The following PLEKHA3 variants were observed in gnomAD, a reference collection of about 807,000 sequenced individuals.
The protein encoded by PLEKHA3 is pleckstrin homology domain-containing family A member 3.
In PLEKHA3, 19 loss-of-function variants were observed where a neutral mutation model predicts 39.2. That is an observed-to-expected ratio of 0.48 (90% CI 0.34 to 0.71). The LOEUF (loss-of-function observed/expected upper bound fraction) is 0.71, where lower values mean the gene tolerates loss of function less well. Ranked by LOEUF, PLEKHA3 falls within the 30% of genes least tolerant of loss-of-function variation. The pLI, the probability that PLEKHA3 is intolerant of heterozygous loss-of-function variation, is 0.01. For missense variants in PLEKHA3, 253 were observed against 359.5 expected (o/e 0.70, Z 2.40); for synonymous variants, 97 against 118.6 (o/e 0.82, Z 1.18).
chr2:178,491,749 A>G (rs928442276), intron 3 of PLEKHA3, among the ~76,000 whole-genome samples: 8 of 152,160 alleles, frequency 5.3e-5, no homozygotes, highest in African/African-American at 1.9e-4. Flanking sequence ...ATTTATAAAG[A>G]AAAGAGGTAT....
chr2:178,485,178 G>C (rs1402764875), intron 1 of PLEKHA3, among the ~76,000 whole-genome samples: 2 of 152,196 alleles, frequency 1.3e-5, no homozygotes, highest in South Asian at 2.1e-4. Context: ...GAATTTTAGA[G>C]ATTTATTGAA....
In PLEKHA3 at chr2:178,495,805, G is replaced by C. The variant is rs558209375; in HGVS notation, c.615+145G>C. ...CAAGTTGAATTTTTTTGTTTGTACT[G>C]TTTCATATTCGAGCTTCTTAGCTGA... On this transcript the variant is annotated intron_variant, in intron 5 of 7. Transcript: ENST00000234453. 575 of 859,560 alleles carry C rather than the reference G, an allele frequency of 6.7e-4. 2 individuals carry two copies. The highest frequency in any genetic ancestry group is 9.6e-4 in the Non-Finnish European group (536 of 560,116). The allele number at this position is 859,560 out of a possible 1,614,324, so 53.2% of individuals were successfully genotyped here.
At position 178,515,242 on chromosome 2, in the gene PLEKHA3, G is replaced by A. The variant is rs531976700; in HGVS notation, c.*11355G>A. On this transcript the variant is annotated 3_prime_UTR_variant, in exon 8 of 8. Transcript: ENST00000234453. ...CTCTAGAGAAAACGAAAGACTCACTGTGTGAGTTTTCTTGCCCTCTGGTTT... is the reference window on the plus strand; with the variant it reads ...CTCTAGAGAAAACGAAAGACTCACTATGTGAGTTTTCTTGCCCTCTGGTTT... 6.0e-4 allele frequency: 91 copies of A among 151,848 alleles called. No individual in the cohort carries two copies. Among genetic ancestry groups the A allele is most frequent in the African/African-American group, 2.0e-3 (83 of 41,396 alleles). The allele number at this position is 151,848 out of a possible 1,614,324, so 9.4% of individuals were successfully genotyped here.
intron 1 of PLEKHA3, among the ~76,000 whole-genome samples, chr2:178,483,371 AC>A (rs1685203273): frequency 6.6e-6 from 1 of 152,112 alleles, no homozygotes; most frequent in African/African-American, 2.4e-5. Context: ...AAAAGGGAAT[AC>A]CTGTGAATCT....
In PLEKHA3 at chr2:178,485,703, G is replaced by T; in HGVS notation, c.103G>T (p.Asp35Tyr). 6.2e-7 allele frequency: 1 copy of T among 1,613,794 alleles called. No homozygotes were observed. Among genetic ancestry groups the T allele is most frequent in the Admixed American group, 1.7e-5 (1 of 59,992 alleles). The change falls in exon 2 of 8, where the codon GAT (aspartate) becomes TAT (tyrosine). Residue 35 changes from aspartate (D) to tyrosine (Y), a missense_variant. Physicochemically the swap from Asp to Tyr is radical, Grantham distance 160. Coordinates refer to ENST00000234453, the MANE Select transcript of PLEKHA3 (RefSeq NM_019091.4). ...GILSYYDSQDDVCKGSKGSIK... is the reference protein window; with the variant it reads ...GILSYYDSQDYVCKGSKGSIK... Reference sequence around the variant, plus strand: ...CTTATCCTACTATGATTCACAAGATGATGTTTGCAAAGGGAGCAAAGGAAG... The same window carrying T: ...CTTATCCTACTATGATTCACAAGATTATGTTTGCAAAGGGAGCAAAGGAAG...
At chr2:178,492,385 A>T (rs1301472347) in intron 3 of PLEKHA3, among the ~76,000 whole-genome samples, 1 of 150,746 alleles carries the variant, frequency 6.6e-6, no homozygotes, top group Non-Finnish European at 1.5e-5. Flanking sequence ...ATAGAATATT[A>T]CTCAGCTTTA....
chr2:178,495,617 C>T lies in PLEKHA3; in HGVS notation c.572C>T (p.Pro191Leu), dbSNP rs771588991. The change falls in exon 5 of 8, where the codon CCG becomes CTG. Residue 191 changes from proline (P) to leucine (L), a missense_variant. Physicochemically the swap from Pro to Leu is moderately conservative, Grantham distance 98 (BLOSUM62 -3). Transcript: ENST00000234453. ...CCTGAGATGTTTCAACTGCACCATCCGGATCCCTTAGTTTCTCCTGTGTCA... is the reference window on the plus strand; with the variant it reads ...CCTGAGATGTTTCAACTGCACCATCTGGATCCCTTAGTTTCTCCTGTGTCA... ...FKPEMFQLHH[P>L]DPLVSPVSPS... The T allele has an allele frequency of 5.6e-6, 9 of 1,613,456 alleles. No individual in the cohort carries two copies. The highest frequency in any genetic ancestry group is 2.2e-5 in the East Asian group (1 of 44,854).
At chr2:178,484,613 C>T (rs372729658) in intron 1 of PLEKHA3, among the ~76,000 whole-genome samples, 30 of 152,110 alleles carry the variant, frequency 2.0e-4, no homozygotes, top group Non-Finnish European at 3.5e-4. Context: ...GACCGGGATA[C>T]GAACATCCAT....
chr2:178,494,798 G>C (rs1052784852), intron 4 of PLEKHA3, among the ~76,000 whole-genome samples: 2 of 152,114 alleles, frequency 1.3e-5, no homozygotes, highest in African/African-American at 4.8e-5. Flanking sequence ...TCACAAAGAG[G>C]CAGGAGGCAG....
rs35052196 is a variant in PLEKHA3, at chr2:178,507,658, GTTTTTTT to G, written c.*3801_*3807del. On this transcript the variant is annotated 3_prime_UTR_variant, in exon 8 of 8. Coordinates refer to ENST00000234453, the MANE Select transcript of PLEKHA3 (RefSeq NM_019091.4). ...CCTTTAGTTTTTAGTCTCACATTAGGTTTTTTTTTTTTTTTTTTTTTTTTTTTTTTTT... is the reference window on the plus strand; with the variant it reads ...CCTTTAGTTTTTAGTCTCACATTAGGTTTTTTTTTTTTTTTTTTTTTTTTT... The G allele has an allele frequency of 2.4e-4, 7 of 28,818 alleles. No homozygotes were observed. Among genetic ancestry groups the G allele is most frequent in the South Asian group, 4.9e-3 (2 of 410 alleles). 1.8% of individuals were successfully genotyped at this position (28,818 alleles called of 1,614,324 possible).
chr2:178,484,413 G>A (rs1202191759), intron 1 of PLEKHA3, among the ~76,000 whole-genome samples: 1 of 152,150 alleles, frequency 6.6e-6, no homozygotes, highest in African/African-American at 2.4e-5. Flanking sequence ...CCTAAACAGG[G>A]TTACAAAGTA....
chr2:178,497,200 AAAAT>A (rs1323767785), intron 5 of PLEKHA3, among the ~76,000 whole-genome samples: 2 of 150,598 alleles, frequency 1.3e-5, no homozygotes, highest in African/African-American at 4.9e-5. Context: ...ATACACAAAT[AAAAT>A]AAATATATAT....
rs1252152260 is a variant in PLEKHA3 at position 178,509,791 on chromosome 2, A to G, written c.*5904A>G. On this transcript the variant is annotated 3_prime_UTR_variant, in exon 8 of 8. Transcript: ENST00000234453. ...ACACTGCACTCTCCTATCTCTCTCA[A>G]TTCAGTAACCTGTTTATTCTTGAGT... 3 of 152,138 alleles carry G rather than the reference A, an allele frequency of 2.0e-5. No homozygotes were observed. Among genetic ancestry groups the G allele is most frequent in the Non-Finnish European group, 4.4e-5 (3 of 68,040 alleles). The allele number at this position is 152,138 out of a possible 1,614,324, so 9.4% of individuals were successfully genotyped here. A position where few individuals can be genotyped will look rare whatever the true frequency, so the allele number is the denominator to read the frequency against.
rs1365358184 is a variant in PLEKHA3, at chr2:178,515,521, TATTATTTCAGAAAAGAAA to T, written c.*11637_*11654del. On this transcript the variant is annotated 3_prime_UTR_variant, in exon 8 of 8. Transcript: ENST00000234453. ...CTTCTTACTATTTCTATATTAGGTA[TATTATTTCAGAAAAGAAA>T]ATAATCACTTGGGAATGGCGGTGAG... The T allele has an allele frequency of 6.6e-6, 1 of 152,198 alleles. No individual in the cohort carries two copies. Among genetic ancestry groups the T allele is most frequent in the African/African-American group, 2.4e-5 (1 of 41,464 alleles). 9.4% of individuals were successfully genotyped at this position (152,198 alleles called of 1,614,324 possible).
intron 7 of PLEKHA3, chr2:178,502,450 A>G: frequency 6.0e-6 from 2 of 334,692 alleles, no homozygotes; most frequent in South Asian, 2.5e-5. Context: ...AGGGTTAAAG[A>G]GGTTGAGTAT....
At chr2:178,501,220 A>G in intron 7 of PLEKHA3, 44 bp downstream of exon 7, 14 of 1,412,040 alleles carry the variant, frequency 9.9e-6, no homozygotes, top group Non-Finnish European at 1.4e-5. Context: ...ATATTCAGCA[A>G]AATTACTGTG....
Position 178,506,589 on chromosome 2 carries a change from T to TA in PLEKHA3, c.*2707dup, listed in dbSNP as rs1575148523. 1.3e-5 allele frequency: 2 copies of TA among 152,234 alleles called. No individual in the cohort carries two copies. The highest frequency in any genetic ancestry group is 3.8e-4 in the East Asian group (2 of 5,208). The allele number at this position is 152,234 out of a possible 1,614,324, so 9.4% of individuals were successfully genotyped here. On this transcript the variant is annotated 3_prime_UTR_variant, in exon 8 of 8. Transcript: ENST00000234453. ...GTATGTATTATCACATTTAGAAATG[T>TA]AAAAATCACAAGATCTCAGGAAATG...
Position 178,510,853 on chromosome 2 carries a change from T to G in PLEKHA3, c.*6966T>G, listed in dbSNP as rs938832808. 4 of 152,386 alleles carry G rather than the reference T, an allele frequency of 2.6e-5. No homozygotes were observed. The highest frequency in any genetic ancestry group is 9.6e-5 in the African/African-American group (4 of 41,596). The allele number at this position is 152,386 out of a possible 1,614,324, so 9.4% of individuals were successfully genotyped here. A position where few individuals can be genotyped will look rare whatever the true frequency, so the allele number is the denominator to read the frequency against. ...CTGCATTTATTTCATAGGTAAAATT[T>G]TAATCTATTTTCTAATCAAAGTGTT... On this transcript the variant is annotated 3_prime_UTR_variant, in exon 8 of 8. Coordinates refer to ENST00000234453, the MANE Select transcript of PLEKHA3 (RefSeq NM_019091.4).
intron 1 of PLEKHA3, chr2:178,481,737 G>A (rs370912398): frequency 5.3e-4 from 81 of 153,454 alleles, no homozygotes; most frequent in Middle Eastern, 6.8e-3. Context: ...TAAGGCCAGG[G>A]TGATTAGTTA....
Sources: gnomAD v4.1 joint callset for allele counts (sites outside exome capture counted in the v4.1 genomes callset) on GRCh38, gnomAD v4.1.1 for gene constraint, MANE v1.5 for transcripts, NCBI Gene and HGNC (gene_info 2026-07-23, HGNC 2026-07-21) for gene names.